Variants in CENPP observed in about 807,000 individuals in gnomAD.
CENPP encodes the protein centromere protein P.
Under a neutral mutation model 35.6 loss-of-function variants are expected in CENPP, and 24 were observed. The observed-to-expected ratio is 0.67, with a 90% CI of 0.49 to 0.95. CENPP has a LOEUF of 0.95. CENPP is among the 40% of genes least tolerant of loss of function. CENPP has a pLI of 0.00. For synonymous variants in CENPP, 120 were observed against 125.5 expected, an observed-to-expected ratio of 0.96 and a Z score of 0.29; for missense variants, 332 against 345.3, an observed-to-expected ratio of 0.96 and a Z score of 0.31.
intron 5 of CENPP, among the ~76,000 whole-genome samples, chr9:92,532,034 A>C (rs2398753): frequency 1.0e-5 from 1 of 98,250 alleles, no homozygotes; most frequent in Non-Finnish European, 2.0e-5. Flanking sequence ...TTTTTATTTT[A>C]TTTTTTTTTT....
intron 5 of CENPP, chr9:92,456,173 G>A (rs1439769237): frequency 2.0e-5 from 3 of 152,182 alleles, no homozygotes; most frequent in Non-Finnish European, 4.4e-5. Flanking sequence ...ATTGCTGGGT[G>A]GGTGAAGAAA....
chr9:92,483,677 G>C (rs1195016081), intron 5 of CENPP, among the ~76,000 whole-genome samples: 1 of 152,224 alleles, frequency 6.6e-6, no homozygotes, highest in Non-Finnish European at 1.5e-5. Flanking sequence ...TCAAGAGTCT[G>C]ACCATCGTTT....
intron 5 of CENPP, among the ~76,000 whole-genome samples, chr9:92,420,197 GT>G (rs1843745161): frequency 6.6e-6 from 1 of 152,088 alleles, no homozygotes; most frequent in Admixed American, 6.5e-5. Context: ...CTATCTCTAT[GT>G]AGTAACTCCA....
chr9:92,577,782 T>TTTTA (rs746950356), intron 5 of CENPP, among the ~76,000 whole-genome samples: 5,930 of 151,646 alleles, frequency 0.039, 141 homozygotes, highest in Middle Eastern at 0.062. Context: ...AGACCCTATC[T>TTTTA]TTTATTTATT....
At chr9:92,355,494 A>G (rs978855106) in intron 4 of CENPP, among the ~76,000 whole-genome samples, 9 of 152,176 alleles carry the variant, frequency 5.9e-5, no homozygotes, top group African/African-American at 2.2e-4. Context: ...AAATAATGAC[A>G]TGGAAGGTTT....
intron 5 of CENPP, chr9:92,416,990 A>G: frequency 6.2e-7 from 1 of 1,614,032 alleles, no homozygotes; most frequent in Non-Finnish European, 8.5e-7. Flanking sequence ...GAGATCAAGC[A>G]TGGTCAAGTT....
At chr9:92,609,329 T>C (rs149517472) in intron 5 of CENPP, among the ~76,000 whole-genome samples, 52 of 152,328 alleles carry the variant, frequency 3.4e-4, no homozygotes, top group Middle Eastern at 3.4e-3. Context: ...TGTCATGCCA[T>C]TGTCCCCACA....
At chr9:92,333,276 G>A (rs1312608695) in intron 2 of CENPP, among the ~76,000 whole-genome samples, 2 of 152,226 alleles carry the variant, frequency 1.3e-5, no homozygotes, top group Non-Finnish European at 2.9e-5. Context: ...CATGACAGGG[G>A]AGAGGGTCTT....
At chr9:92,419,423 C>T (rs929432428) in intron 5 of CENPP, among the ~76,000 whole-genome samples, 2 of 151,638 alleles carry the variant, frequency 1.3e-5, no homozygotes, top group African/African-American at 4.8e-5. Context: ...GCCTCAGCCT[C>T]CCCAGTAGCT....
At chr9:92,368,817 T>C (rs1841945793) in intron 4 of CENPP, among the ~76,000 whole-genome samples, 1 of 152,116 alleles carries the variant, frequency 6.6e-6, no homozygotes, top group African/African-American at 2.4e-5. Context: ...GATGGGAGGA[T>C]CGCTTGAGCC....
At chr9:92,374,656 A>G (rs946888979) in intron 4 of CENPP, among the ~76,000 whole-genome samples, 7 of 152,154 alleles carry the variant, frequency 4.6e-5, no homozygotes, top group African/African-American at 1.4e-4. Context: ...GCATCTTTCT[A>G]CATTGTTTGG....
chr9:92,551,934 T>TATATATATG (rs1554686253), intron 5 of CENPP, among the ~76,000 whole-genome samples: 16 of 97,334 alleles, frequency 1.6e-4, no homozygotes, highest in African/African-American at 1.0e-3. Context: ...TGTATATATA[T>TATATATATG]ATATATATAT....
At chr9:92,547,235 A>C (rs1362850470) in intron 5 of CENPP, among the ~76,000 whole-genome samples, 3 of 152,250 alleles carry the variant, frequency 2.0e-5, no homozygotes, top group Non-Finnish European at 4.4e-5. Flanking sequence ...CATAGTAGGA[A>C]TATAAGGGAA....
Position 92,524,143 on chromosome 9 carries a change from T to C in CENPP, c.565-87171T>C, listed in dbSNP as rs1393205564. ...GACTGATGTAATCCACAACCCATTTTCCCAGCCGTTTTCTGTTTTGTGCTT... is the reference window on the plus strand; with the variant it reads ...GACTGATGTAATCCACAACCCATTTCCCCAGCCGTTTTCTGTTTTGTGCTT... On this transcript the variant is annotated intron_variant, in intron 5 of 7. Coordinates refer to ENST00000375587, the MANE Select transcript of CENPP (RefSeq NM_001012267.3). 1.1e-4 allele frequency among the ~76,000 whole-genome samples: 17 copies of C among 152,338 alleles called. No homozygotes were observed. In the East Asian group the frequency reaches 3.3e-3, roughly 29 times the overall value.
intron 4 of CENPP, among the ~76,000 whole-genome samples, chr9:92,362,653 C>T (rs1297080290): frequency 6.6e-6 from 1 of 152,152 alleles, no homozygotes; most frequent in African/African-American, 2.4e-5. Context: ...GACTTGATGA[C>T]CACACAATTA....
At chr9:92,502,478 A>T (rs1212570210) in intron 5 of CENPP, 1 of 1,603,994 alleles carries the variant, frequency 6.2e-7, no homozygotes, top group Non-Finnish European at 8.5e-7. Context: ...AGGAAGAAAT[A>T]GTTCAATAAA....
chr9:92,467,817 A>G (rs1399438266), intron 5 of CENPP, among the ~76,000 whole-genome samples: 1 of 152,220 alleles, frequency 6.6e-6, no homozygotes, highest in Non-Finnish European at 1.5e-5. Flanking sequence ...TCACCAAGAA[A>G]GGGTAAGCCT....
intron 5 of CENPP, chr9:92,385,619 G>A: frequency 1.2e-6 from 2 of 1,612,914 alleles, no homozygotes; most frequent in Non-Finnish European, 1.7e-6. Flanking sequence ...ACCAATAGAG[G>A]TTAAAAGTAT....
chr9:92,573,736 G>A (rs976110584), intron 5 of CENPP, among the ~76,000 whole-genome samples: 5 of 152,224 alleles, frequency 3.3e-5, no homozygotes, highest in Non-Finnish European at 7.3e-5. Context: ...CTGAGCTGCA[G>A]TGGGCTCCAC....
Sources: gnomAD v4.1 joint callset for allele counts (sites outside exome capture counted in the v4.1 genomes callset) on GRCh38, gnomAD v4.1.1 for gene constraint, MANE v1.5 for transcripts, NCBI Gene and HGNC (gene_info 2026-07-23, HGNC 2026-07-21) for gene names.